RRM2: variants seen among roughly 807,000 people sequenced by gnomAD.
RRM2 encodes ribonucleotide reductase regulatory subunit M2.
A neutral mutation model predicts 45.9 loss-of-function variants in RRM2; 6 were observed. That is an observed-to-expected ratio of 0.13 (90% CI 0.07 to 0.26). The LOEUF is 0.26. RRM2 is among the 10% of genes least tolerant of loss of function. The probability of loss-of-function intolerance (pLI) is 1.00; values close to 1 mark genes in which losing one functional copy is unlikely to be tolerated. For missense variants in RRM2, 343 were observed against 489.5 expected, an observed-to-expected ratio of 0.70 and a Z score of 2.82; for synonymous variants, 177 against 173.0, an observed-to-expected ratio of 1.02 and a Z score of -0.18.
chr2:10,160,942 G>A (rs1409804448), intron 3 of RRM2, among the ~76,000 whole-genome samples: 2 of 152,194 alleles, frequency 1.3e-5, no homozygotes, highest in African/African-American at 4.8e-5. Context: ...CCCCAGCCCT[G>A]CCTCTCTGTG....
chr2:10,158,827 G>A (rs1335226363), intron 3 of RRM2, among the ~76,000 whole-genome samples: 1 of 152,112 alleles, frequency 6.6e-6, no homozygotes, highest in East Asian at 1.9e-4. Flanking sequence ...CCGAGGAGTG[G>A]CCTTCTCTCC....
chr2:10,141,985 A>G (rs1162092464), intron 2 of RRM2: 3 of 1,570,146 alleles, frequency 1.9e-6, no homozygotes, highest in East Asian at 2.4e-5. Context: ...CTCTGAAGAC[A>G]AGGAAAGCAG....
chr2:10,175,781 T>A (rs1219951982), intron 3 of RRM2, among the ~76,000 whole-genome samples: 2 of 151,964 alleles, frequency 1.3e-5, no homozygotes, highest in African/African-American at 4.8e-5. Context: ...TTTTTGATAT[T>A]TTTTAATAGA....
In RRM2 at chr2:10,181,754, C is replaced by CTT. The variant is rs869117515; in HGVS notation, n.483-28531_483-28530dup. ...ACTGCACAGCTCTCTCTCTCTCTCT[C>CTT]TTTTTTTTTTTTTTTTTTTTTTTTT... On this transcript the variant is annotated intron_variant and non_coding_transcript_variant, in intron 3 of 3. Transcript: ENST00000381786. Among the ~76,000 whole-genome samples the CTT allele has an allele frequency of 4.1e-3, 233 of 57,258 alleles. 16 individuals are homozygous for CTT. The highest frequency in any genetic ancestry group is 0.02 in the Middle Eastern group (2 of 102). 37.6% of individuals were successfully genotyped at this position (57,258 alleles called of 152,430 possible).
At chr2:10,178,846 C>A (rs1663987240) in intron 3 of RRM2, among the ~76,000 whole-genome samples, 1 of 152,064 alleles carries the variant, frequency 6.6e-6, no homozygotes, top group Non-Finnish European at 1.5e-5. Flanking sequence ...GGATTAATGC[C>A]CTTATAAGAG....
intron 3 of RRM2, among the ~76,000 whole-genome samples, chr2:10,152,880 C>G (rs953448663): frequency 7.2e-5 from 11 of 152,134 alleles, no homozygotes; most frequent in Non-Finnish European, 1.6e-4. Flanking sequence ...TTATGGAAAG[C>G]AGTATGGAGG....
chr2:10,141,003 C>T (rs555444212), upstream of RRM2, among the ~76,000 whole-genome samples: 8 of 152,020 alleles, frequency 5.3e-5, no homozygotes, highest in African/African-American at 1.9e-4. Flanking sequence ...AGCCCTCGCT[C>T]CTGTGAACTG....
In RRM2 at chr2:10,131,359, C is replaced by T. The variant is rs1182924764; in HGVS notation, c.*1973C>T. ...GAAAGGGAAACAAGTATTTCAGTCT[C>T]AAAATTGAATAATGCACAAGTCTTA... On this transcript the variant is annotated 3_prime_UTR_variant, in exon 10 of 10. Transcript: ENST00000304567. The T allele has an allele frequency of 1.3e-5, 2 of 152,188 alleles. No individual in the cohort carries two copies. Among genetic ancestry groups the T allele is most frequent in the Admixed American group, 6.5e-5 (1 of 15,276 alleles). 9.4% of individuals were successfully genotyped at this position (152,188 alleles called of 1,614,324 possible).
rs1372814915 is a variant in RRM2 at position 10,127,866 on chromosome 2, G to A, written c.798+646G>A. Among the ~76,000 whole-genome samples the A allele has an allele frequency of 7.9e-5, 12 of 151,416 alleles. No individual in the cohort carries two copies. The South Asian group carries it at 1.1e-3, about 13-fold the overall frequency. The stretch of plus-strand genomic sequence containing the variant: ...GTATTAATATGTTATCCCTTTTTCC[G>A]TAAAAATGTTCATAGTAGAGCCAGG... On this transcript the variant is annotated intron_variant, in intron 7 of 9. Transcript: ENST00000304567. This position sits in a 1 kb window ranked among gnomAD's most constrained non-coding sequence, Gnocchi z 4.1.
At chr2:10,140,336 C>T (rs967640487), upstream of RRM2, among the ~76,000 whole-genome samples, 1 of 152,220 alleles carries the variant, frequency 6.6e-6, no homozygotes, top group South Asian at 2.1e-4. Context: ...TAAATAGCTT[C>T]GTTGGGGCGC....
At chr2:10,162,243 G>A (rs771054429) in intron 3 of RRM2, among the ~76,000 whole-genome samples, 7 of 152,198 alleles carry the variant, frequency 4.6e-5, no homozygotes, top group Non-Finnish European at 1.0e-4. Context: ...ACAACTTCTT[G>A]ATGAATAGAG....
chr2:10,139,033 G>A (rs758307627), upstream of RRM2, among the ~76,000 whole-genome samples: 3 of 152,170 alleles, frequency 2.0e-5, no homozygotes, highest in African/African-American at 4.8e-5. Context: ...GCTTGAGCCC[G>A]GGAGGTGGCG....
intron 3 of RRM2, chr2:10,155,167 C>A: frequency 3.0e-6 from 1 of 336,760 alleles, no homozygotes; most frequent in Non-Finnish European, 5.7e-6. Context: ...TGTTTGAAAC[C>A]AACAGCTACA....
At chr2:10,200,460 CCGCGCGCGCAAAATA>C in intron 3 of RRM2, among the ~76,000 whole-genome samples, 1 of 82,326 alleles carries the variant, frequency 1.2e-5, no homozygotes, top group South Asian at 4.1e-4. Context: ...CCCACAGGGA[CCGCGCGCGCAAAATA>C]TGAGGCCCAC....
At chr2:10,170,100 T>C (rs370612764) in intron 3 of RRM2, among the ~76,000 whole-genome samples, 8 of 152,304 alleles carry the variant, frequency 5.3e-5, no homozygotes, top group African/African-American at 1.9e-4. Flanking sequence ...TGCCTTTCCC[T>C]GCCAACTTCC....
At chr2:10,191,580 GTC>G (rs1427139563) in intron 3 of RRM2, among the ~76,000 whole-genome samples, 1 of 152,156 alleles carries the variant, frequency 6.6e-6, no homozygotes, top group Non-Finnish European at 1.5e-5. Flanking sequence ...ACAAAGGGAA[GTC>G]TCTGAGTTGG....
intron 3 of RRM2, among the ~76,000 whole-genome samples, chr2:10,161,232 C>T (rs1365440065): frequency 1.3e-5 from 2 of 152,114 alleles, no homozygotes; most frequent in Non-Finnish European, 2.9e-5. Flanking sequence ...TAAATGTTTG[C>T]ATTTTTGGTA....
chr2:10,190,607 G>A (rs960961174), intron 3 of RRM2, among the ~76,000 whole-genome samples: 4 of 151,514 alleles, frequency 2.6e-5, no homozygotes, highest in Non-Finnish European at 5.9e-5. Context: ...TGTTGGCGAT[G>A]ATGGTGGTAA....
intron 3 of RRM2, among the ~76,000 whole-genome samples, chr2:10,175,470 C>T (rs530829728): frequency 5.3e-5 from 8 of 152,266 alleles, no homozygotes; most frequent in South Asian, 2.1e-4. Flanking sequence ...CACTGCCATC[C>T]GTCTGTAGAA....
Sources: gnomAD v4.1 joint callset for allele counts (sites outside exome capture counted in the v4.1 genomes callset) on GRCh38, gnomAD v4.1.1 for gene constraint, Gnocchi (gnomAD v3.1) non-coding constraint, MANE v1.5 for transcripts, NCBI Gene and HGNC (gene_info 2026-07-23, HGNC 2026-07-21) for gene names.